CELF2: variants seen among roughly 807,000 people sequenced by gnomAD.
CELF2 encodes CUGBP Elav-like family member 2, also known as CUG triplet repeat RNA-binding protein 2.
CELF2 carries 8 observed loss-of-function variants against 62.6 expected under a neutral mutation model. The observed-to-expected ratio is 0.13, with a 90% CI of 0.07 to 0.23. CELF2 has a LOEUF of 0.23. Among genes scored for constraint, CELF2 ranks in the 10% least tolerant of loss-of-function variants. The pLI, the probability that CELF2 is intolerant of heterozygous loss-of-function variation, is 1.00. For synonymous variants in CELF2, 258 were observed against 250.0 expected, an observed-to-expected ratio of 1.03 and a Z score of -0.30; for missense variants, 333 against 671.0, an observed-to-expected ratio of 0.50 and a Z score of 5.56.
At chr10:11,069,319 A>G (rs1163656953) in intron 1 of CELF2, among the ~76,000 whole-genome samples, 1 of 152,262 alleles carries the variant, frequency 6.6e-6, no homozygotes, top group Non-Finnish European at 1.5e-5. Flanking sequence ...AAATGCCAAA[A>G]GACAGAAGCT....
Position 11,220,036 on chromosome 10 carries a change from G to A in CELF2, c.354+2529G>A, listed in dbSNP as rs1272469659. Among the ~76,000 whole-genome samples the A allele has an allele frequency of 1.3e-5, 2 of 152,170 alleles. No individual in the cohort carries two copies. The highest frequency in any genetic ancestry group is 2.4e-5 in the African/African-American group (1 of 41,432). On this transcript the variant is annotated intron_variant, in intron 3 of 12. Coordinates refer to ENST00000633077, the MANE Select transcript of CELF2 (RefSeq NM_001326342.2). The surrounding 1 kb of genome is among the most constrained non-coding windows in gnomAD (Gnocchi z 4.4). ...ATGAAATTAATAAGAAATTAATGAT[G>A]CACTTTGCCATATGCCTTCAATTTC...
At chr10:10,606,196 C>A in the CELF2 span, among the ~76,000 whole-genome samples, 1 of 152,080 alleles carries the variant, frequency 6.6e-6, no homozygotes, top group Admixed American at 6.5e-5. Context: ...AAGTTAGAAA[C>A]ACATTTAATG....
intron 1 of CELF2, among the ~76,000 whole-genome samples, chr10:10,879,404 G>T (rs866363542): frequency 6.6e-6 from 1 of 152,056 alleles, no homozygotes; most frequent in East Asian, 1.9e-4. Flanking sequence ...ACTTGACTCC[G>T]GCCTATGTAT....
rs1346061450 is a variant in CELF2 at position 11,321,832 on chromosome 10, GATAA to G, written c.1294+453_1294+456del. 6.6e-6 allele frequency among the ~76,000 whole-genome samples: 1 copy of G among 152,148 alleles called. No individual in the cohort carries two copies. The highest frequency in any genetic ancestry group is 1.9e-4 in the East Asian group (1 of 5,198). ...ATTTATATACCACTCTGGCTTTGTT[GATAA>G]ATAAATGGTTTTAATTATTTCCCCC... On this transcript the variant is annotated intron_variant, in intron 11 of 12. Transcript: ENST00000633077. The surrounding 1 kb of genome is among the most constrained non-coding windows in gnomAD (Gnocchi z 6.2).
the CELF2 span, among the ~76,000 whole-genome samples, chr10:10,480,891 C>A: frequency 2.0e-5 from 3 of 152,254 alleles, no homozygotes; most frequent in East Asian, 5.8e-4. Flanking sequence ...GTTTACACTG[C>A]AGTATCATTC....
chr10:10,622,647 C>A, the CELF2 span, among the ~76,000 whole-genome samples: 1 of 151,530 alleles, frequency 6.6e-6, no homozygotes, highest in Admixed American at 6.6e-5. Context: ...AGAATGAGAC[C>A]CTGTGTCCAA....
the CELF2 span, among the ~76,000 whole-genome samples, chr10:10,487,116 A>G: frequency 3.3e-4 from 51 of 152,328 alleles, no homozygotes; most frequent in Middle Eastern, 3.4e-3. Context: ...CTGGCTTCCT[A>G]TGATTTCTGT....
chr10:11,131,889 A>C (rs2059683549), intron 1 of CELF2, among the ~76,000 whole-genome samples: 1 of 152,220 alleles, frequency 6.6e-6, no homozygotes, highest in Non-Finnish European at 1.5e-5. Flanking sequence ...ATAACATGTA[A>C]TCAAAGAGTT....
the CELF2 span, among the ~76,000 whole-genome samples, chr10:10,541,039 C>T: frequency 3.3e-5 from 5 of 151,688 alleles, no homozygotes; most frequent in South Asian, 2.1e-4. Context: ...GTCAGGAGAT[C>T]GAGACCATCC....
chr10:10,483,626 T>C, the CELF2 span, among the ~76,000 whole-genome samples: 1 of 152,192 alleles, frequency 6.6e-6, no homozygotes, highest in Admixed American at 6.5e-5. Context: ...TGCTTAACCT[T>C]AATTTAGCAG....
At chr10:10,911,616 G>A (rs181301431) in intron 1 of CELF2, among the ~76,000 whole-genome samples, 2 of 152,330 alleles carry the variant, frequency 1.3e-5, no homozygotes, top group Middle Eastern at 6.8e-3. Flanking sequence ...GTTTCCCCAC[G>A]GCAGCGCCTC....
intron 1 of CELF2, among the ~76,000 whole-genome samples, chr10:10,905,832 C>G (rs2134210725): frequency 6.7e-6 from 1 of 150,062 alleles, no homozygotes; most frequent in Non-Finnish European, 1.5e-5. Context: ...GAGCCAAGGT[C>G]ATGCCACTGC....
intron 10 of CELF2, chr10:11,320,852 C>G (rs1326322569): frequency 6.5e-7 from 1 of 1,528,738 alleles, no homozygotes; most frequent in Non-Finnish European, 8.8e-7. Context: ...TTACATGCTC[C>G]TAAGCTCCCA....
At chr10:10,628,044 A>G in the CELF2 span, among the ~76,000 whole-genome samples, 1 of 152,144 alleles carries the variant, frequency 6.6e-6, no homozygotes, top group Non-Finnish European at 1.5e-5. Flanking sequence ...CTGGGATTAC[A>G]GGTGCCCGCC....
intron 2 of CELF2, among the ~76,000 whole-genome samples, chr10:10,939,276 G>GAT (rs751170027): frequency 8.3e-6 from 1 of 120,364 alleles, no homozygotes; most frequent in African/African-American, 2.9e-5. Flanking sequence ...TTTGTTTTGT[G>GAT]GTGTTGTTGT....
In CELF2 at chr10:11,311,137, A is replaced by T. The variant is rs950230949; in HGVS notation, c.977-3002A>T. Among the ~76,000 whole-genome samples, 2 of 152,336 alleles carry T rather than the reference A, an allele frequency of 1.3e-5. No homozygotes were observed. The highest frequency in any genetic ancestry group is 3.9e-4 in the East Asian group (2 of 5,192). On this transcript the variant is annotated intron_variant, in intron 9 of 12. Transcript: ENST00000633077. The surrounding 1 kb of genome is among the most constrained non-coding windows in gnomAD (Gnocchi z 4.7). ...CTCTCAGTGTAAAGATGAACAAAAA[A>T]TACTCCCCACTAGAAAACTACAAGG...
chr10:10,896,020 A>C (rs1037294966), intron 1 of CELF2, among the ~76,000 whole-genome samples: 3 of 152,214 alleles, frequency 2.0e-5, no homozygotes, highest in Admixed American at 1.3e-4. Flanking sequence ...AGAGTACTAG[A>C]GAGCTGAGAG....
the CELF2 span, among the ~76,000 whole-genome samples, chr10:10,561,189 T>G: frequency 6.6e-6 from 1 of 152,132 alleles, no homozygotes; most frequent in African/African-American, 2.4e-5. Context: ...AAATTTCCTC[T>G]TCTATTGGAA....
At chr10:10,611,219 G>A in the CELF2 span, among the ~76,000 whole-genome samples, 5 of 152,086 alleles carry the variant, frequency 3.3e-5, no homozygotes, top group Non-Finnish European at 5.9e-5. Flanking sequence ...GGAGTGACTT[G>A]GAGAGGAGTT....
Sources: allele counts gnomAD v4.1 joint callset (sites outside exome capture counted in the v4.1 genomes callset), GRCh38; gene constraint gnomAD v4.1.1; non-coding constraint Gnocchi (gnomAD v3.1); transcripts MANE v1.5; gene names NCBI Gene and HGNC (gene_info 2026-07-23, HGNC 2026-07-21).